TMEM127: variants seen among roughly 807,000 people sequenced by gnomAD.
TMEM127 encodes the protein transmembrane protein 127.
TMEM127 carries 21 observed loss-of-function variants against 20.1 expected under a neutral mutation model. That is an observed-to-expected ratio of 1.04 (90% CI 0.74 to 1.50). The LOEUF (loss-of-function observed/expected upper bound fraction) is 1.50. TMEM127 is among the 40% of genes most tolerant of loss of function. The pLI, the probability that TMEM127 is intolerant of heterozygous loss-of-function variation, is 0.00. For missense variants in TMEM127, 303 were observed against 317.4 expected (o/e 0.95, Z 0.34); for synonymous variants, 150 against 144.7 (o/e 1.04, Z -0.26).
intron 2 of TMEM127, chr2:96,260,699 C>A (rs757580478): frequency 1.3e-5 from 2 of 152,318 alleles, no homozygotes; most frequent in South Asian, 4.1e-4. Flanking sequence ...CTGACCCAAA[C>A]AGTCTGCAGG....
In TMEM127 at chr2:96,253,685, G is replaced by A. The variant is rs974093771; in HGVS notation, c.*123C>T. 6.4e-6 allele frequency: 7 copies of A among 1,089,334 alleles called. No homozygotes were observed. The highest frequency in any genetic ancestry group is 2.8e-5 in the Admixed American group (1 of 35,860). 67.5% of individuals were successfully genotyped at this position (1,089,334 alleles called of 1,614,324 possible). A position where few individuals can be genotyped will look rare whatever the true frequency, so the allele number is the denominator to read the frequency against. ...TAAAGGCAGAGTCTCTCCTGGGGAA[G>A]GTTTGGAGAAGATGGTCAGGATCCT... On this transcript the variant is annotated 3_prime_UTR_variant, in exon 4 of 4. Transcript: ENST00000258439. This position sits in a 1 kb window ranked among gnomAD's most constrained non-coding sequence, Gnocchi z 4.3.
intron 2 of TMEM127, among the ~76,000 whole-genome samples, chr2:96,255,583 T>TATAA (rs1684187169): frequency 6.6e-6 from 1 of 152,204 alleles, no homozygotes; most frequent in Non-Finnish European, 1.5e-5. Flanking sequence ...ATAATGGTGG[T>TATAA]TGCCAGCAGG....
rs1684396835 is a variant in TMEM127 at position 96,265,361 on chromosome 2, TGC to T, written c.19_20del (p.Ala7ArgfsTer23). 6.7e-7 allele frequency: 1 copy of T among 1,484,204 alleles called. No individual in the cohort carries two copies. Among genetic ancestry groups the T allele is most frequent in the African/African-American group, 1.4e-5 (1 of 69,926 alleles). 91.9% of individuals were successfully genotyped at this position (1,484,204 alleles called of 1,614,324 possible). Reference protein sequence around the residue: MYAPGGAGLPGGRRRRS... With the variant: MYAPGGXGLPGGRRRRS... The stretch of plus-strand genomic sequence containing the variant: ...TCCGCCGGCGCCCGCCGGGCAGCCC[TGC>T]GCCTCCGGGGGCGTACATGCCCGGG... On this transcript the variant is annotated frameshift_variant, in exon 2 of 4. Coordinates refer to ENST00000258439, the MANE Select transcript of TMEM127 (RefSeq NM_017849.4). LOFTEE classifies it high-confidence loss of function.
rs1206881053 is a variant in TMEM127 at position 96,250,036 on chromosome 2, G to A, written c.*3772C>T. Reference sequence around the variant, plus strand: ...GCACCTGGCTGAGACACTGGGCCCTGGGATTGACTGTGACCGCCCTCTTCC... The same window carrying A: ...GCACCTGGCTGAGACACTGGGCCCTAGGATTGACTGTGACCGCCCTCTTCC... On this transcript the variant is annotated 3_prime_UTR_variant, in exon 4 of 4. Coordinates refer to ENST00000258439, the MANE Select transcript of TMEM127 (RefSeq NM_017849.4). 1.7e-5 allele frequency: 4 copies of A among 233,184 alleles called. No homozygotes were observed. Among genetic ancestry groups the A allele is most frequent in the Non-Finnish European group, 3.4e-5 (4 of 118,096 alleles). 14.4% of individuals were successfully genotyped at this position (233,184 alleles called of 1,614,324 possible).
At chr2:96,264,669 G>T (rs571013105) in intron 2 of TMEM127, among the ~76,000 whole-genome samples, 1 of 152,190 alleles carries the variant, frequency 6.6e-6, no homozygotes, top group Non-Finnish European at 1.5e-5. Context: ...ACGGTCTTCC[G>T]ATTACCTAAA....
At chr2:96,256,851 G>T (rs1293614242) in intron 2 of TMEM127, among the ~76,000 whole-genome samples, 2 of 152,106 alleles carry the variant, frequency 1.3e-5, no homozygotes, top group Non-Finnish European at 2.9e-5. Flanking sequence ...TCCAAAAACT[G>T]GAAAGTAAAG....
intron 2 of TMEM127, among the ~76,000 whole-genome samples, chr2:96,260,872 G>A (rs533008204): frequency 1.1e-4 from 16 of 152,250 alleles, no homozygotes; most frequent in South Asian, 8.3e-4. Context: ...ACAGGCCTGC[G>A]ACACAGGCCT....
intron 2 of TMEM127, among the ~76,000 whole-genome samples, chr2:96,258,198 C>A (rs1385820551): frequency 6.6e-6 from 1 of 152,098 alleles, no homozygotes; most frequent in Non-Finnish European, 1.5e-5. Context: ...TGGAGCAGGG[C>A]CTAGGAATCT....
intron 2 of TMEM127, among the ~76,000 whole-genome samples, chr2:96,258,921 G>A (rs1684261397): frequency 1.3e-5 from 2 of 152,152 alleles, no homozygotes; most frequent in South Asian, 4.1e-4. Flanking sequence ...GGCAGTTGGA[G>A]TAAGAAAAGT....
At position 96,265,504 on chromosome 2, in the gene TMEM127, G is replaced by A. The variant is rs911371795; in HGVS notation, c.-123C>T. 4.1e-6 allele frequency: 5 copies of A among 1,225,244 alleles called. No individual in the cohort carries two copies. Among genetic ancestry groups the A allele is most frequent in the Non-Finnish European group, 5.1e-6 (5 of 974,006 alleles). 75.9% of individuals were successfully genotyped at this position (1,225,244 alleles called of 1,614,324 possible). A position where few individuals can be genotyped will look rare whatever the true frequency, so the allele number is the denominator to read the frequency against. On this transcript the variant is annotated 5_prime_UTR_variant, in exon 2 of 4. Coordinates refer to ENST00000258439, the MANE Select transcript of TMEM127 (RefSeq NM_017849.4). Reference sequence around the variant, plus strand: ...CTCCGGGTTCGCTGCAGGTGAAGCCGGGACTGGGCTGTCAGGGTTGACACC... The same window carrying A: ...CTCCGGGTTCGCTGCAGGTGAAGCCAGGACTGGGCTGTCAGGGTTGACACC...
Position 96,253,396 on chromosome 2 carries a change from C to T in TMEM127, c.*412G>A. The T allele has an allele frequency of 3.6e-6, 1 of 274,720 alleles. No homozygotes were observed. The allele number at this position is 274,720 out of a possible 1,614,324, so 17.0% of individuals were successfully genotyped here. On this transcript the variant is annotated 3_prime_UTR_variant, in exon 4 of 4. Coordinates refer to ENST00000258439, the MANE Select transcript of TMEM127 (RefSeq NM_017849.4). This position sits in a 1 kb window ranked among gnomAD's most constrained non-coding sequence, Gnocchi z 4.3. ...CTACAGCTGTGGAGCAAACACTGAT[C>T]CCTGTGAAGTGAGCCTCCAGGGCAC...
Position 96,252,550 on chromosome 2 carries a change from G to C in TMEM127, c.*1258C>G, listed in dbSNP as rs1052496798. The C allele has an allele frequency of 1.3e-5, 3 of 233,894 alleles. No homozygotes were observed. The highest frequency in any genetic ancestry group is 6.6e-5 in the African/African-American group (3 of 45,374). 14.5% of individuals were successfully genotyped at this position (233,894 alleles called of 1,614,324 possible). A position where few individuals can be genotyped will look rare whatever the true frequency, so the allele number is the denominator to read the frequency against. On this transcript the variant is annotated 3_prime_UTR_variant, in exon 4 of 4. Coordinates refer to ENST00000258439, the MANE Select transcript of TMEM127 (RefSeq NM_017849.4). This position sits in a 1 kb window ranked among gnomAD's most constrained non-coding sequence, Gnocchi z 4.2. ...TGCAAGACCAGAGTACATTCAAGAGGGGAGAGGGCACGTGGCAAGCTGGAG... is the reference window on the plus strand; with the variant it reads ...TGCAAGACCAGAGTACATTCAAGAGCGGAGAGGGCACGTGGCAAGCTGGAG...
rs767190490 is a variant in TMEM127, at chr2:96,253,915, C to T, written c.610G>A (p.Glu204Lys). The change falls in exon 4 of 4, where the codon GAG becomes AAG. Residue 204 changes from glutamate to lysine, a missense_variant. Transcript: ENST00000258439. This position sits in a 1 kb window ranked among gnomAD's most constrained non-coding sequence, Gnocchi z 4.3. Reference protein sequence around the residue: ...NLLRHYPTEEEEQALELLSEM... With the variant: ...NLLRHYPTEEKEQALELLSEM... ...GAGAGCAGCTCCAGCGCCTGCTCCTCTTCCTCTGTGGGGTAGTGGCGCAGG... is the reference window on the plus strand; with the variant it reads ...GAGAGCAGCTCCAGCGCCTGCTCCTTTTCCTCTGTGGGGTAGTGGCGCAGG... The T allele has an allele frequency of 6.2e-7, 1 of 1,613,992 alleles. No individual in the cohort carries two copies. Among genetic ancestry groups the T allele is most frequent in the South Asian group, 1.1e-5 (1 of 91,078 alleles).
intron 2 of TMEM127, among the ~76,000 whole-genome samples, chr2:96,256,972 C>A (rs1573971837): frequency 6.6e-6 from 1 of 152,132 alleles, no homozygotes; most frequent in Admixed American, 6.6e-5. Flanking sequence ...GCCCCAGAAG[C>A]CTTGGACAGT....
chr2:96,256,317 A>G (rs2104290758), intron 2 of TMEM127, among the ~76,000 whole-genome samples: 1 of 151,874 alleles, frequency 6.6e-6, no homozygotes, highest in East Asian at 1.9e-4. Flanking sequence ...TCACACCTGT[A>G]ATCCCACACT....
At position 96,248,941 on chromosome 2, in the gene TMEM127, G is replaced by T; in HGVS notation, c.*4867C>A. On this transcript the variant is annotated 3_prime_UTR_variant, in exon 4 of 4. Transcript: ENST00000258439. Reference sequence around the variant, plus strand: ...GCCCCTTACCACCCACTGTGTTGCTGTCCCACTCAGCTGAAGGGGCTGGCC... The same window carrying T: ...GCCCCTTACCACCCACTGTGTTGCTTTCCCACTCAGCTGAAGGGGCTGGCC... 1 of 232,714 alleles carries T rather than the reference G, an allele frequency of 4.3e-6. No homozygotes were observed. Among genetic ancestry groups the T allele is most frequent in the Non-Finnish European group, 8.5e-6 (1 of 117,758 alleles). The allele number at this position is 232,714 out of a possible 1,614,324, so 14.4% of individuals were successfully genotyped here. A position where few individuals can be genotyped will look rare whatever the true frequency, so the allele number is the denominator to read the frequency against.
chr2:96,263,048 C>CT (rs1402826560), intron 2 of TMEM127, among the ~76,000 whole-genome samples: 349 of 136,674 alleles, frequency 2.6e-3, no homozygotes, highest in African/African-American at 3.0e-3. Flanking sequence ...CAAGAATTTA[C>CT]TTTTTTTTTT....
intron 2 of TMEM127, among the ~76,000 whole-genome samples, chr2:96,261,160 G>A (rs1426305517): frequency 2.6e-5 from 4 of 152,160 alleles, no homozygotes; most frequent in Non-Finnish European, 5.9e-5. Flanking sequence ...GACTATCTGC[G>A]GCCCCTCTTT....
In TMEM127 at chr2:96,265,942, C is replaced by T; in HGVS notation, c.-205G>A. On this transcript the variant is annotated 5_prime_UTR_variant, in exon 1 of 4. Transcript: ENST00000258439. ...GGCTTCTCGGCTGCCGGGGGCCGAG[C>T]GTTCCCAGGCCCCAATCCCGCAACG... 1 of 175,056 alleles carries T rather than the reference C, an allele frequency of 5.7e-6. No homozygotes were observed. Among genetic ancestry groups the T allele is most frequent in the Non-Finnish European group, 1.2e-5 (1 of 83,266 alleles). 10.8% of individuals were successfully genotyped at this position (175,056 alleles called of 1,614,324 possible).
Sources: gnomAD v4.1 joint callset for allele counts (sites outside exome capture counted in the v4.1 genomes callset) on GRCh38, gnomAD v4.1.1 for gene constraint, Gnocchi (gnomAD v3.1) non-coding constraint, MANE v1.5 for transcripts, NCBI Gene and HGNC (gene_info 2026-07-23, HGNC 2026-07-21) for gene names.